Variants in PID1 observed in about 807,000 individuals in gnomAD.
PID1 encodes phosphotyrosine interaction domain containing 1.
In PID1, 10 loss-of-function variants were observed where a neutral mutation model predicts 19.1. That is an observed-to-expected ratio of 0.52 (90% CI 0.32 to 0.89). PID1 has a LOEUF of 0.89. PID1 is among the 40% of genes least tolerant of loss of function. The probability of loss-of-function intolerance (pLI) is 0.03; values close to 1 mark genes in which losing one functional copy is unlikely to be tolerated. For missense variants in PID1, 248 were observed against 285.3 expected, an observed-to-expected ratio of 0.87 and a Z score of 0.94; for synonymous variants, 130 against 116.0, an observed-to-expected ratio of 1.12 and a Z score of -0.78.
chr2:229,151,940 G>A (rs892925235), intron 2 of PID1, among the ~76,000 whole-genome samples: 3 of 152,118 alleles, frequency 2.0e-5, no homozygotes, highest in Admixed American at 1.3e-4. Context: ...TCAGTGAATG[G>A]CCCTGCAAGT....
At chr2:229,177,768 T>C (rs900085782) in intron 1 of PID1, among the ~76,000 whole-genome samples, 6 of 152,198 alleles carry the variant, frequency 3.9e-5, no homozygotes, top group Admixed American at 2.0e-4. Context: ...TCAGTCATTC[T>C]CTTGGCTAGC....
chr2:229,186,713 T>C (rs1374902711), intron 1 of PID1, among the ~76,000 whole-genome samples: 1 of 152,238 alleles, frequency 6.6e-6, no homozygotes. Context: ...ACCTCTGACA[T>C]GCCCTGGAGA....
intron 1 of PID1, among the ~76,000 whole-genome samples, chr2:229,168,976 T>C (rs1690657511): frequency 6.6e-6 from 1 of 152,128 alleles, no homozygotes; most frequent in Non-Finnish European, 1.5e-5. Flanking sequence ...CATTATTGCC[T>C]CAATATTCCT....
chr2:229,096,800 C>T (rs186792861), intron 2 of PID1, among the ~76,000 whole-genome samples: 76 of 152,256 alleles, frequency 5.0e-4, no homozygotes, highest in African/African-American at 1.8e-3. Flanking sequence ...TGTCTCTTAA[C>T]CCCTCACTAA....
intron 2 of PID1, among the ~76,000 whole-genome samples, chr2:229,028,528 A>G (rs1428880317): frequency 6.6e-6 from 1 of 152,250 alleles, no homozygotes; most frequent in East Asian, 1.9e-4. Context: ...CAAGTCATAT[A>G]TGTAATAAGT....
intron 2 of PID1, among the ~76,000 whole-genome samples, chr2:229,089,538 C>T (rs1694829999): frequency 6.6e-6 from 1 of 152,172 alleles, no homozygotes; most frequent in South Asian, 2.1e-4. Flanking sequence ...TAAGTAAAGA[C>T]ATAAAGGCTT....
intron 2 of PID1, among the ~76,000 whole-genome samples, chr2:229,094,937 T>C (rs1694945063): frequency 6.6e-6 from 1 of 152,120 alleles, no homozygotes; most frequent in Non-Finnish European, 1.5e-5. Flanking sequence ...ATGGGCCAAG[T>C]GCCATGCTAC....
chr2:229,264,524 C>T (rs1038051599), intron 1 of PID1, among the ~76,000 whole-genome samples: 1 of 152,178 alleles, frequency 6.6e-6, no homozygotes, highest in African/African-American at 2.4e-5. Flanking sequence ...CACCCACTAT[C>T]ATATATGAAC....
At chr2:229,060,580 T>C (rs887940280) in intron 2 of PID1, among the ~76,000 whole-genome samples, 2 of 152,264 alleles carry the variant, frequency 1.3e-5, no homozygotes, top group South Asian at 4.1e-4. Flanking sequence ...GCAATGAACA[T>C]GAGATCACAG....
intron 2 of PID1, among the ~76,000 whole-genome samples, chr2:229,138,980 G>GAAGAACGAACGA (rs1329960601): frequency 1.5e-5 from 1 of 67,024 alleles, no homozygotes; most frequent in African/African-American, 6.2e-5. Flanking sequence ...GAAAAAAATA[G>GAAGAACGAACGA]AAGAAAGAAA....
At chr2:229,194,883 C>T (rs932516282) in intron 1 of PID1, among the ~76,000 whole-genome samples, 1 of 149,988 alleles carries the variant, frequency 6.7e-6, no homozygotes, top group African/African-American at 2.5e-5. Flanking sequence ...CCCATACACA[C>T]ACCCGAAAAA....
At chr2:229,174,115 G>C (rs980049481) in intron 1 of PID1, among the ~76,000 whole-genome samples, 1 of 152,146 alleles carries the variant, frequency 6.6e-6, no homozygotes, top group African/African-American at 2.4e-5. Flanking sequence ...TCAAACTTAA[G>C]AATTTCTTGT....
chr2:229,172,953 G>A lies in PID1; in HGVS notation c.31-16989C>T, dbSNP rs111652728. On this transcript the variant is annotated intron_variant, in intron 1 of 2. Transcript: ENST00000392055. Reference sequence around the variant, plus strand: ...TCACCATGTTGGCCAGGCTGGTGCCGAACTCCTGATGTCAAGTGATCAACC... The same window carrying A: ...TCACCATGTTGGCCAGGCTGGTGCCAAACTCCTGATGTCAAGTGATCAACC... Among the ~76,000 whole-genome samples the A allele has an allele frequency of 9.8e-3, 1,494 of 152,094 alleles. 28 individuals are homozygous for A. Among genetic ancestry groups the A allele is most frequent in the African/African-American group, 0.035 (1,432 of 41,492 alleles).
chr2:229,103,592 T>A (rs1695116109), intron 2 of PID1, among the ~76,000 whole-genome samples: 2 of 148,962 alleles, frequency 1.3e-5, no homozygotes, highest in Admixed American at 6.7e-5. Context: ...TTTTTTTTTT[T>A]TTTGAGACAG....
intron 1 of PID1, among the ~76,000 whole-genome samples, chr2:229,181,463 C>T (rs550434628): frequency 1.3e-5 from 2 of 151,900 alleles, no homozygotes; most frequent in South Asian, 2.1e-4. Flanking sequence ...GAGAATCTTA[C>T]GAGAATCAAC....
At chr2:229,066,408 C>T (rs2106197780) in intron 2 of PID1, among the ~76,000 whole-genome samples, 1 of 152,254 alleles carries the variant, frequency 6.6e-6, no homozygotes, top group African/African-American at 2.4e-5. Context: ...GGAGGTAACA[C>T]ATGTGTTGAA....
chr2:229,235,743 T>C (rs1042639495), intron 1 of PID1, among the ~76,000 whole-genome samples: 1 of 152,080 alleles, frequency 6.6e-6, no homozygotes, highest in Non-Finnish European at 1.5e-5. Flanking sequence ...GCTGGAGAGA[T>C]GAGAGATTAA....
At chr2:229,225,309 C>T (rs1692054285) in intron 1 of PID1, among the ~76,000 whole-genome samples, 1 of 152,120 alleles carries the variant, frequency 6.6e-6, no homozygotes, top group Non-Finnish European at 1.5e-5. Flanking sequence ...CAGAGAAGCA[C>T]CGGATAAATT....
At chr2:229,075,475 A>G (rs1458339059) in intron 2 of PID1, among the ~76,000 whole-genome samples, 1 of 152,244 alleles carries the variant, frequency 6.6e-6, no homozygotes, top group Non-Finnish European at 1.5e-5. Flanking sequence ...GAAAAAAACA[A>G]GACAAACACA....
Sources: allele counts gnomAD v4.1 joint callset (sites outside exome capture counted in the v4.1 genomes callset), GRCh38; gene constraint gnomAD v4.1.1; transcripts MANE v1.5; gene names NCBI Gene and HGNC (gene_info 2026-07-23, HGNC 2026-07-21).